FRMD4A: variants seen among roughly 807,000 people sequenced by gnomAD.
FRMD4A encodes the protein FERM domain containing 4A.
Under a neutral mutation model 129.1 loss-of-function variants are expected in FRMD4A, and 29 were observed. The observed-to-expected ratio is 0.22, with a 90% confidence interval of 0.17 to 0.31. FRMD4A has a LOEUF of 0.31. FRMD4A is among the 10% of genes least tolerant of loss of function. The probability of loss-of-function intolerance (pLI) is 1.00; values close to 1 mark genes in which losing one functional copy is unlikely to be tolerated. For synonymous variants in FRMD4A, 634 were observed against 571.6 expected (o/e 1.11, Z -1.56); for missense variants, 1,272 against 1,375.8 (o/e 0.92, Z 1.19).
intron 2 of FRMD4A, among the ~76,000 whole-genome samples, chr10:14,069,848 C>G (rs1835233420): frequency 6.6e-6 from 1 of 152,146 alleles, no homozygotes; most frequent in African/African-American, 2.4e-5. Flanking sequence ...GGAATTACAG[C>G]TTTTATAGAG....
chr10:13,762,483 A>G, intron 7 of FRMD4A, 141 bp downstream of exon 7: 1 of 592,894 alleles, frequency 1.7e-6, no homozygotes, highest in Non-Finnish European at 3.0e-6. Flanking sequence ...TGTCTCTAAT[A>G]GCTCTATGCA....
chr10:13,660,574 A>C (rs1249810132), intron 19 of FRMD4A, 21 bp from the exon 20 acceptor site: 1 of 1,461,310 alleles, frequency 6.8e-7, no homozygotes, highest in South Asian at 1.2e-5. Context: ...ACAGGAAGAG[A>C]GGAACTGAGC....
chr10:14,201,915 G>A (rs1368380099), intron 2 of FRMD4A, among the ~76,000 whole-genome samples: 1 of 152,090 alleles, frequency 6.6e-6, no homozygotes, highest in Non-Finnish European at 1.5e-5. Context: ...TGGATCATAA[G>A]GTCAGGAGTT....
chr10:14,269,931 G>A (rs1036407075), intron 2 of FRMD4A, among the ~76,000 whole-genome samples: 2 of 152,212 alleles, frequency 1.3e-5, no homozygotes, highest in African/African-American at 2.4e-5. Flanking sequence ...CCCCAGGGGT[G>A]GGGAAGATCT....
chr10:14,278,146 G>A (rs548693233), intron 2 of FRMD4A, among the ~76,000 whole-genome samples: 23 of 152,244 alleles, frequency 1.5e-4, no homozygotes, highest in East Asian at 5.8e-4. Flanking sequence ...GTTTGAAACC[G>A]GGGGCTTCCC....
chr10:14,261,960 AC>A (rs1844818912), intron 2 of FRMD4A, among the ~76,000 whole-genome samples: 1 of 123,530 alleles, frequency 8.1e-6, no homozygotes, highest in Non-Finnish European at 2.0e-5. Context: ...ACACACACAC[AC>A]ACACACACAC....
intron 2 of FRMD4A, among the ~76,000 whole-genome samples, chr10:14,301,122 A>G (rs943515852): frequency 2.0e-5 from 3 of 152,170 alleles, no homozygotes; most frequent in Non-Finnish European, 4.4e-5. Flanking sequence ...TGGTTGACAT[A>G]TTGTCACTCA....
chr10:14,055,090 C>T (rs1331977792), intron 2 of FRMD4A, among the ~76,000 whole-genome samples: 1 of 152,112 alleles, frequency 6.6e-6, no homozygotes, highest in Non-Finnish European at 1.5e-5. Context: ...CAATTTTTGC[C>T]TTTCCCCAGG....
intron 2 of FRMD4A, among the ~76,000 whole-genome samples, chr10:14,036,324 G>A (rs1053518978): frequency 8.5e-5 from 13 of 152,116 alleles, no homozygotes; most frequent in Non-Finnish European, 1.6e-4. Flanking sequence ...GGTACTCCTG[G>A]GTGTGCCTGA....
intron 8 of FRMD4A, among the ~76,000 whole-genome samples, chr10:13,759,164 C>T (rs2091973136): frequency 6.6e-6 from 1 of 152,170 alleles, no homozygotes; most frequent in Non-Finnish European, 1.5e-5. Flanking sequence ...GATAAACTGA[C>T]CTTTTGGATA....
chr10:14,219,665 G>A (rs958754248), intron 2 of FRMD4A, among the ~76,000 whole-genome samples: 1 of 152,128 alleles, frequency 6.6e-6, no homozygotes, highest in African/African-American at 2.4e-5. Context: ...AGACATGAGA[G>A]TACACAGAGA....
chr10:14,027,159 G>A (rs1020215813), intron 2 of FRMD4A, among the ~76,000 whole-genome samples: 2 of 152,130 alleles, frequency 1.3e-5, no homozygotes, highest in Admixed American at 1.3e-4. Flanking sequence ...TTAATAGCTG[G>A]AATTTCATAA....
At chr10:14,229,323 G>C (rs1192501987) in intron 2 of FRMD4A, among the ~76,000 whole-genome samples, 1 of 151,996 alleles carries the variant, frequency 6.6e-6, no homozygotes, top group South Asian at 2.1e-4. Flanking sequence ...AAACCAAGTT[G>C]GTTGCATGGG....
intron 2 of FRMD4A, among the ~76,000 whole-genome samples, chr10:13,977,632 C>T (rs2095546545): frequency 6.6e-6 from 1 of 152,194 alleles, no homozygotes; most frequent in South Asian, 2.1e-4. Context: ...CAAAAGAAAA[C>T]CACACCCATT....
intron 5 of FRMD4A, among the ~76,000 whole-genome samples, chr10:13,789,445 C>A (rs150759021): frequency 1.3e-5 from 2 of 151,922 alleles, no homozygotes; most frequent in African/African-American, 2.4e-5. Flanking sequence ...TATTTTCTTA[C>A]AAGGAGTTGA....
chr10:13,841,056 C>T (rs1215155886), intron 3 of FRMD4A, among the ~76,000 whole-genome samples: 4 of 151,926 alleles, frequency 2.6e-5, no homozygotes, highest in Non-Finnish European at 4.4e-5. Flanking sequence ...TGCAGTGAGC[C>T]GTGATCATGC....
intron 2 of FRMD4A, among the ~76,000 whole-genome samples, chr10:14,184,298 A>ATTTTTTTTT (rs60196881): frequency 5.7e-5 from 6 of 104,904 alleles, no homozygotes; most frequent in Non-Finnish European, 9.8e-5. Context: ...CAACCGGTTA[A>ATTTTTTTTT]TTTTTTTTTT....
At chr10:14,124,679 T>TACA (rs367833993) in intron 2 of FRMD4A, among the ~76,000 whole-genome samples, 3,460 of 151,886 alleles carry the variant, frequency 0.023, 127 homozygotes, top group African/African-American at 0.076. Flanking sequence ...TTGTCTCAAC[T>TACA]ACAACAACAA....
At chr10:14,168,837 A>G (rs1485481156) in intron 2 of FRMD4A, among the ~76,000 whole-genome samples, 2 of 152,222 alleles carry the variant, frequency 1.3e-5, no homozygotes, top group African/African-American at 4.8e-5. Context: ...TATCAGAGCT[A>G]GAATCTGAAT....
Sources: gnomAD v4.1 joint callset for allele counts (sites outside exome capture counted in the v4.1 genomes callset) on GRCh38, gnomAD v4.1.1 for gene constraint, MANE v1.5 for transcripts, NCBI Gene and HGNC (gene_info 2026-07-23, HGNC 2026-07-21) for gene names.